SPNS2: variants seen among roughly 807,000 people sequenced by gnomAD.
SPNS2 encodes the protein sphingosine-1-phosphate transporter SPNS2.
SPNS2 carries 37 observed loss-of-function variants against 57.6 expected under a neutral mutation model. The observed-to-expected ratio is 0.64, with a 90% CI of 0.49 to 0.85. SPNS2 has a LOEUF of 0.85. Ranked by LOEUF, SPNS2 falls within the 40% of genes least tolerant of loss-of-function variation. SPNS2 has a pLI of 0.00. For synonymous variants in SPNS2, 440 were observed against 346.9 expected (o/e 1.27, Z -2.98); for missense variants, 831 against 779.1 (o/e 1.07, Z -0.79).
At chr17:4,536,751 C>T (rs1905837985) in intron 11 of SPNS2, 149 bp from the exon 12 acceptor site, 5 of 708,292 alleles carry the variant, frequency 7.1e-6, no homozygotes, top group East Asian at 5.4e-5. Flanking sequence ...TCTCCCCACC[C>T]CTGGGCTCTC....
chr17:4,515,545 C>T (rs921608947), intron 2 of SPNS2, among the ~76,000 whole-genome samples: 20 of 152,188 alleles, frequency 1.3e-4, no homozygotes, highest in Admixed American at 3.9e-4. Context: ...TGTCACCTAC[C>T]CCGGCACAGC....
chr17:4,531,946 G>GC (rs1445227275), intron 5 of SPNS2, among the ~76,000 whole-genome samples: 1 of 152,176 alleles, frequency 6.6e-6, no homozygotes, highest in African/African-American at 2.4e-5. Flanking sequence ...CCAAATGCCA[G>GC]CCCACTTGAT....
At chr17:4,536,499 CCCTGG>C in intron 11 of SPNS2, 73 bp downstream of exon 11, 1 of 1,514,978 alleles carries the variant, frequency 6.6e-7, no homozygotes, top group Non-Finnish European at 8.9e-7. Context: ...GTGAGCCCTG[CCCTGG>C]GGTGGGGCGG....
At chr17:4,533,717 G>A (rs1448044516) in intron 8 of SPNS2, 71 bp from the exon 9 acceptor site, 6 of 1,550,058 alleles carry the variant, frequency 3.9e-6, no homozygotes, top group Admixed American at 1.7e-5. Flanking sequence ...CAGCCAGTGT[G>A]TAGGGAACAG....
In SPNS2 at chr17:4,536,238, G is replaced by A. The variant is rs374518201; in HGVS notation, c.1444-25G>A. On this transcript the variant is annotated intron_variant, in intron 10 of 12. Transcript: ENST00000329078. The stretch of plus-strand genomic sequence containing the variant: ...GGGGACTGCAGGAGGGCTCTGCCCT[G>A]ACATCCACCCCCAAATCCTCGCAGA... 1.4e-4 allele frequency: 227 copies of A among 1,609,682 alleles called. 1 individual carries two copies. Among genetic ancestry groups the A allele is most frequent in the East Asian group, 2.2e-4 (10 of 44,826 alleles).
rs1268615841 is a variant in SPNS2 at position 4,510,925 on chromosome 17, T to A, written c.371-2322T>A. Among the ~76,000 whole-genome samples the A allele has an allele frequency of 6.6e-6, 1 of 152,206 alleles. No homozygotes were observed. Among genetic ancestry groups the A allele is most frequent in the Non-Finnish European group, 1.5e-5 (1 of 68,038 alleles). ...TTGGCAATAGACCTCGTTTCAGATC[T>A]CACCTCCAAAACAGAATGTACTGTG... is the stretch of plus-strand genomic sequence containing the variant. On this transcript the variant is annotated intron_variant, in intron 1 of 12. Transcript: ENST00000329078. This position sits in a 1 kb window ranked among gnomAD's most constrained non-coding sequence, Gnocchi z 4.4.
intron 1 of SPNS2, among the ~76,000 whole-genome samples, chr17:4,506,673 C>T (rs1197612463): frequency 6.6e-6 from 1 of 152,082 alleles, no homozygotes; most frequent in Non-Finnish European, 1.5e-5. Context: ...CTAGGGCTAG[C>T]GGGGTCTGCG....
chr17:4,536,857 C>T lies in SPNS2; in HGVS notation c.1608-43C>T, dbSNP rs762079333. 5.8e-6 allele frequency: 9 copies of T among 1,564,066 alleles called. No individual in the cohort carries two copies. In the African/African-American group the frequency reaches 8.1e-5, roughly 14 times the overall value. On this transcript the variant is annotated intron_variant, in intron 11 of 12. Transcript: ENST00000329078. Reference sequence around the variant, plus strand: ...GCCAGAGCAGTGCCCGGGCCCGGCCCCCGCTGATGCACCACCCTGACCCCC... The same window carrying T: ...GCCAGAGCAGTGCCCGGGCCCGGCCTCCGCTGATGCACCACCCTGACCCCC...
intron 1 of SPNS2, among the ~76,000 whole-genome samples, chr17:4,507,929 T>C (rs1334090712): frequency 1.3e-5 from 2 of 152,222 alleles, no homozygotes; most frequent in African/African-American, 2.4e-5. Context: ...GATTCTGTGA[T>C]GTCAGCAGAT....
rs1046568462 is a variant in SPNS2, at chr17:4,538,009, G to A, written c.*561G>A. ...GCCTCGGACCTTGGGGATATTGGACGCAACCTGGCAAATGAAGCTGGGCGC... is the reference window on the plus strand; with the variant it reads ...GCCTCGGACCTTGGGGATATTGGACACAACCTGGCAAATGAAGCTGGGCGC... On this transcript the variant is annotated 3_prime_UTR_variant, in exon 13 of 13. Transcript: ENST00000329078. The A allele has an allele frequency of 5.7e-5, 20 of 351,274 alleles. No individual in the cohort carries two copies. The highest frequency in any genetic ancestry group is 3.0e-4 in the East Asian group (4 of 13,344). The allele number at this position is 351,274 out of a possible 1,614,324, so 21.8% of individuals were successfully genotyped here.
Position 4,533,853 on chromosome 17 carries a change from G to C in SPNS2, c.1344G>C (p.Met448Ile). Residue 448 changes from methionine to isoleucine, a missense_variant and splice_region_variant, in exon 9 of 13, where the codon ATG becomes ATC. By Grantham distance (10) the Met-to-Ile change is conservative (BLOSUM62 1). Transcript: ENST00000329078. ...SNWAITADIL[M>I]YVVIPTRRAT... The stretch of plus-strand genomic sequence containing the variant: ...GGGCCATCACTGCAGACATCCTCAT[G>C]GTGAGCCAGGCAGGCCGAGGTCACC... The C allele has an allele frequency of 6.2e-7, 1 of 1,612,942 alleles. No individual in the cohort carries two copies. The highest frequency in any genetic ancestry group is 8.5e-7 in the Non-Finnish European group (1 of 1,180,014).
At chr17:4,509,731 A>C (rs1904779614) in intron 1 of SPNS2, among the ~76,000 whole-genome samples, 1 of 152,228 alleles carries the variant, frequency 6.6e-6, no homozygotes, top group African/African-American at 2.4e-5. Flanking sequence ...GTAACTTGTC[A>C]ATGGATGTTG....
At position 4,510,325 on chromosome 17, in the gene SPNS2, G is replaced by T. The variant is rs1230732336; in HGVS notation, c.371-2922G>T. Among the ~76,000 whole-genome samples, 1 of 152,186 alleles carries T rather than the reference G, an allele frequency of 6.6e-6. No homozygotes were observed. The highest frequency in any genetic ancestry group is 1.9e-4 in the East Asian group (1 of 5,188). ...CGGGAGCAGGCCATGTTATCCAAAA[G>T]CTTCCTGTGTCCTGGGAACTGCCCA... On this transcript the variant is annotated intron_variant, in intron 1 of 12. Transcript: ENST00000329078. This position sits in a 1 kb window ranked among gnomAD's most constrained non-coding sequence, Gnocchi z 4.4.
intron 11 of SPNS2, 128 bp from the exon 12 acceptor site, chr17:4,536,772 C>T: frequency 3.9e-6 from 3 of 772,678 alleles, no homozygotes; most frequent in Admixed American, 2.0e-5. Flanking sequence ...CCATCTCCCC[C>T]TGGGGCTGAC....
At chr17:4,504,412 C>T (rs1446915028) in intron 1 of SPNS2, among the ~76,000 whole-genome samples, 2 of 152,030 alleles carry the variant, frequency 1.3e-5, no homozygotes, top group African/African-American at 2.4e-5. Flanking sequence ...GTGCTGTCAT[C>T]CATCAGAGGA....
At chr17:4,520,165 G>T (rs778669710) in intron 2 of SPNS2, among the ~76,000 whole-genome samples, 1 of 152,228 alleles carries the variant, frequency 6.6e-6, no homozygotes, top group Non-Finnish European at 1.5e-5. Flanking sequence ...AGGGATGGAC[G>T]TGGGGAGGAT....
intron 2 of SPNS2, among the ~76,000 whole-genome samples, chr17:4,521,667 A>T (rs1307664743): frequency 6.6e-6 from 1 of 152,286 alleles, no homozygotes; most frequent in Non-Finnish European, 1.5e-5. Flanking sequence ...ACTAAATGAT[A>T]TCGGCTTACA....
chr17:4,516,581 C>T (rs9892743), intron 2 of SPNS2, among the ~76,000 whole-genome samples: 7,893 of 140,526 alleles, frequency 0.056, 235 homozygotes, highest in African/African-American at 0.084. Flanking sequence ...AGAGAGCGTG[C>T]ACCTAGCTCT....
In SPNS2 at chr17:4,533,267, C is replaced by T. The variant is rs1305463529; in HGVS notation, c.1113C>T (p.Cys371=). ...KDSLIFGAIT[C]FTGFLGVVTG... ...GCCTCATCTTTGGGGCCATCACCTGCTTTACGGGATTTCTGGGCGTGGTCA... is the reference window on the plus strand; with the variant it reads ...GCCTCATCTTTGGGGCCATCACCTGTTTTACGGGATTTCTGGGCGTGGTCA... Residue 371 remains cysteine, a synonymous_variant, in exon 8 of 13, where the codon TGC becomes TGT. Coordinates refer to ENST00000329078, the MANE Select transcript of SPNS2 (RefSeq NM_001124758.3). The T allele has an allele frequency of 5.0e-6, 8 of 1,607,652 alleles. No individual in the cohort carries two copies. Among genetic ancestry groups the T allele is most frequent in the Non-Finnish European group, 6.8e-6 (8 of 1,176,600 alleles).
Sources: gnomAD v4.1 joint callset for allele counts (sites outside exome capture counted in the v4.1 genomes callset) on GRCh38, gnomAD v4.1.1 for gene constraint, Gnocchi (gnomAD v3.1) non-coding constraint, MANE v1.5 for transcripts, NCBI Gene and HGNC (gene_info 2026-07-23, HGNC 2026-07-21) for gene names.